BRD7: variants seen among roughly 807,000 people sequenced by gnomAD.
The protein encoded by BRD7 is bromodomain-containing protein 7.
A neutral mutation model predicts 82.1 loss-of-function variants in BRD7; 15 were observed. The ratio of observed to expected loss-of-function variants is 0.18; its 90% CI spans 0.12 to 0.28. BRD7 has a LOEUF of 0.28. Ranked by LOEUF, BRD7 falls within the 10% of genes least tolerant of loss-of-function variation. The pLI, the probability that BRD7 is intolerant of heterozygous loss-of-function variation, is 1.00. For synonymous variants in BRD7, 232 were observed against 266.9 expected (o/e 0.87, Z 1.27); for missense variants, 638 against 779.9 (o/e 0.82, Z 2.17).
At chr16:50,321,032 C>A (rs1298434771) in intron 13 of BRD7, among the ~76,000 whole-genome samples, 2 of 152,178 alleles carry the variant, frequency 1.3e-5, no homozygotes, top group African/African-American at 4.8e-5. Context: ...CAATTTATAT[C>A]ATTTGTTTAG....
In BRD7 at chr16:50,339,424, C is replaced by T. The variant is rs146495637; in HGVS notation, c.702+552G>A. ...GCTAGGAACCTATACAGCATGTTAC[C>T]ATACTGAATACTGCAGACAGCTGTA... is the stretch of plus-strand genomic sequence containing the variant. On this transcript the variant is annotated intron_variant, in intron 6 of 16. Transcript: ENST00000394688. 2.5e-3 allele frequency among the ~76,000 whole-genome samples: 385 copies of T among 152,308 alleles called. 3 individuals are homozygous for T. The highest frequency in any genetic ancestry group is 8.8e-3 in the African/African-American group (367 of 41,560).
intron 2 of BRD7, among the ~76,000 whole-genome samples, chr16:50,358,107 G>C (rs2038806104): frequency 6.6e-6 from 1 of 152,214 alleles, no homozygotes; most frequent in Non-Finnish European, 1.5e-5. Context: ...ATGTGTTGTA[G>C]TATGAAAACC....
chr16:50,365,980 G>A (rs1173456079), intron 2 of BRD7, among the ~76,000 whole-genome samples: 1 of 152,124 alleles, frequency 6.6e-6, no homozygotes, highest in East Asian at 1.9e-4. Context: ...GAAGATAAGG[G>A]GGGAAGATCC....
chr16:50,318,988 A>G lies in BRD7; in HGVS notation c.*223T>C. The G allele has an allele frequency of 2.1e-6, 1 of 479,846 alleles. No individual in the cohort carries two copies. Among genetic ancestry groups the G allele is most frequent in the Non-Finnish European group, 3.7e-6 (1 of 267,108 alleles). 29.7% of individuals were successfully genotyped at this position (479,846 alleles called of 1,614,324 possible). A position where few individuals can be genotyped will look rare whatever the true frequency, so the allele number is the denominator to read the frequency against. On this transcript the variant is annotated 3_prime_UTR_variant, in exon 17 of 17. Coordinates refer to ENST00000394688, the MANE Select transcript of BRD7 (RefSeq NM_013263.5). ...CATTGGAAGGCACTATTTTGAAAGA[A>G]TGCTGCACAGGTATGGCAACAGCCC... is the stretch of plus-strand genomic sequence containing the variant.
Position 50,319,196 on chromosome 16 carries a change from A to G in BRD7, c.*15T>C. On this transcript the variant is annotated 3_prime_UTR_variant, in exon 17 of 17. Transcript: ENST00000394688. The stretch of plus-strand genomic sequence containing the variant: ...AAAAGTATGTACATAATATATAATC[A>G]AATACCAGGCAGCCTCAACTTCCAC... The G allele has an allele frequency of 6.2e-7, 1 of 1,605,006 alleles. No homozygotes were observed. Among genetic ancestry groups the G allele is most frequent in the Non-Finnish European group, 8.5e-7 (1 of 1,172,996 alleles).
chr16:50,348,108 A>C (rs2038364502), intron 5 of BRD7, among the ~76,000 whole-genome samples: 2 of 152,212 alleles, frequency 1.3e-5, no homozygotes, highest in Non-Finnish European at 2.9e-5. Flanking sequence ...ATAATAACAC[A>C]CATCTACAAC....
chr16:50,332,053 A>G (rs1410888982), intron 8 of BRD7, among the ~76,000 whole-genome samples: 2 of 152,210 alleles, frequency 1.3e-5, no homozygotes, highest in African/African-American at 4.8e-5. Flanking sequence ...AAAACCTTGG[A>G]AATACTCTTC....
intron 6 of BRD7, among the ~76,000 whole-genome samples, chr16:50,335,481 G>T (rs2037758803): frequency 6.6e-6 from 1 of 152,184 alleles, no homozygotes; most frequent in South Asian, 2.1e-4. Flanking sequence ...TGAAACATGT[G>T]CTTAATTTTT....
At chr16:50,322,233 A>G (rs1567597795) in intron 12 of BRD7, among the ~76,000 whole-genome samples, 195 bp from the exon 13 acceptor site, 1 of 152,210 alleles carries the variant, frequency 6.6e-6, no homozygotes, top group Non-Finnish European at 1.5e-5. Context: ...TGGGGTACTT[A>G]TTACTGGTGA....
At chr16:50,331,259 T>A (rs2037553587) in intron 8 of BRD7, among the ~76,000 whole-genome samples, 1 of 152,238 alleles carries the variant, frequency 6.6e-6, no homozygotes, top group Admixed American at 6.5e-5. Context: ...ACAGATTCAA[T>A]GCTATTCCTA....
rs772752642 is a variant in BRD7, at chr16:50,368,186, A to G, written c.162T>C (p.Asp54=). ...GCTTTCTGTCCTTGTGTTTGTCATG[A>G]TCGTTTTTGTCTTCGAAGAGGCTGG... is the stretch of plus-strand genomic sequence containing the variant. The part of the protein sequence containing the change: ...HDSSLFEDKN[D]HDKHKDRKRK... The change falls in exon 2 of 17, where the codon GAT becomes GAC. Residue 54 remains aspartate, a synonymous_variant. Transcript: ENST00000394688. The G allele has an allele frequency of 6.2e-7, 1 of 1,613,850 alleles. No individual in the cohort carries two copies. The highest frequency in any genetic ancestry group is 8.5e-7 in the Non-Finnish European group (1 of 1,179,966).
chr16:50,368,175 T>C lies in BRD7; in HGVS notation c.173A>G (p.His58Arg), dbSNP rs746214601. ...LFEDKNDHDK[H>R]KDRKRKKRKK... ...TCTCTTTTTCCGCTTTCTGTCCTTG[T>C]GTTTGTCATGATCGTTTTTGTCTTC... Residue 58 changes from histidine to arginine, a missense_variant, in exon 2 of 17, where the codon CAC becomes CGC. By Grantham distance (29) the His-to-Arg change is conservative. Around this residue, in one of 3 missense-constraint regions of BRD7, gnomAD observed 172 missense variants for 155.3 expected, o/e 1.11. Coordinates refer to ENST00000394688, the MANE Select transcript of BRD7 (RefSeq NM_013263.5). The C allele has an allele frequency of 5.6e-6, 9 of 1,614,198 alleles. No homozygotes were observed. The South Asian group carries it at 8.8e-5, about 16-fold the overall frequency.
chr16:50,367,800 G>T (rs1198218883), intron 2 of BRD7, among the ~76,000 whole-genome samples: 3 of 152,212 alleles, frequency 2.0e-5, no homozygotes, highest in Admixed American at 2.0e-4. Flanking sequence ...TCTTGAGCAT[G>T]ACTTTTTACC....
chr16:50,354,349 G>C, intron 4 of BRD7, 76 bp downstream of exon 4: 2 of 1,243,774 alleles, frequency 1.6e-6, no homozygotes, highest in South Asian at 2.6e-5. Flanking sequence ...TTTGGAGTTA[G>C]GCACAAATGT....
Position 50,322,041 on chromosome 16 carries a change from A to C in BRD7, c.1444-3T>G. ...TGGCCTTCATCTTCAGGCAATGACT[A>C]TAAGGATGAAGAAAAACAGCTTTTT... On this transcript the variant is annotated splice_polypyrimidine_tract_variant and splice_region_variant and intron_variant, in intron 12 of 16. Transcript: ENST00000394688. 1 of 1,596,722 alleles carries C rather than the reference A, an allele frequency of 6.3e-7. No individual in the cohort carries two copies. The highest frequency in any genetic ancestry group is 1.2e-5 in the South Asian group (1 of 86,650).
chr16:50,367,491 T>C (rs1254514145), intron 2 of BRD7, among the ~76,000 whole-genome samples: 1 of 152,202 alleles, frequency 6.6e-6, no homozygotes, highest in Non-Finnish European at 1.5e-5. Context: ...TCCAAAGTGT[T>C]GGGATTACAA....
At chr16:50,323,923 G>C (rs534726430) in intron 11 of BRD7, among the ~76,000 whole-genome samples, 1 of 152,276 alleles carries the variant, frequency 6.6e-6, no homozygotes, top group Admixed American at 6.5e-5. Flanking sequence ...TGAAACCTCA[G>C]TGACGGGTGC....
At chr16:50,354,087 T>C (rs1174962860) in intron 4 of BRD7, among the ~76,000 whole-genome samples, 5 of 152,222 alleles carry the variant, frequency 3.3e-5, no homozygotes, top group Non-Finnish European at 7.3e-5. Context: ...ATGATAAGCA[T>C]TGTACAAATA....
At chr16:50,368,609 G>C (rs896688115) in intron 1 of BRD7, 117 bp downstream of exon 1, 2 of 1,124,824 alleles carry the variant, frequency 1.8e-6, no homozygotes, top group Non-Finnish European at 2.4e-6. Flanking sequence ...CCCCTTCGCC[G>C]GCCTGGGCCT....
Sources: gnomAD v4.1 joint callset for allele counts (sites outside exome capture counted in the v4.1 genomes callset) on GRCh38, gnomAD v4.1.1 for gene constraint, gnomAD v4.1.1 regional missense constraint, MANE v1.5 for transcripts, NCBI Gene and HGNC (gene_info 2026-07-23, HGNC 2026-07-21) for gene names.